GRIK4: variants seen among roughly 807,000 people sequenced by gnomAD.
GRIK4 encodes glutamate ionotropic receptor kainate type subunit 4, also known as glutamate receptor ionotropic, kainate 4.
In GRIK4, 40 loss-of-function variants were observed where a neutral mutation model predicts 104.9. The ratio of observed to expected loss-of-function variants is 0.38; its 90% CI spans 0.30 to 0.50. GRIK4 has a LOEUF of 0.50. GRIK4 is among the 20% of genes least tolerant of loss of function. The probability of loss-of-function intolerance (pLI) is 0.93; values close to 1 mark genes in which losing one functional copy is unlikely to be tolerated. For missense variants in GRIK4, 1,047 were observed against 1,308.1 expected (o/e 0.80, Z 3.08); for synonymous variants, 485 against 524.9 (o/e 0.92, Z 1.04).
At chr11:120,850,006 T>G (rs1354481837) in intron 8 of GRIK4, among the ~76,000 whole-genome samples, 1 of 152,222 alleles carries the variant, frequency 6.6e-6, no homozygotes, top group Non-Finnish European at 1.5e-5. Context: ...GTTATAGGAA[T>G]GAAATCTGTT....
intron 3 of GRIK4, among the ~76,000 whole-genome samples, chr11:120,731,246 C>T (rs1951122790): frequency 6.7e-6 from 1 of 149,596 alleles, no homozygotes; most frequent in Non-Finnish European, 1.5e-5. Flanking sequence ...TCTTCTATAC[C>T]TGTTTTTTTT....
intron 1 of GRIK4, among the ~76,000 whole-genome samples, chr11:120,514,540 TC>T (rs1300686150): frequency 2.0e-5 from 3 of 152,270 alleles, no homozygotes; most frequent in Non-Finnish European, 4.4e-5. Flanking sequence ...TGCCTGTTCC[TC>T]AGTTCATCCC....
chr11:120,755,620 TA>T lies in GRIK4; in HGVS notation c.83-47066del, dbSNP rs537153792. 4.7e-4 allele frequency among the ~76,000 whole-genome samples: 71 copies of T among 149,644 alleles called. 1 individual carries two copies. Among genetic ancestry groups the T allele is most frequent in the African/African-American group, 1.7e-3 (70 of 40,708 alleles). Reference sequence around the variant, plus strand: ...CAAGCAAGACCTTGTCTCAAAAAAATAAAAAAACACCAAAGATAATAAATAA... The same window carrying T: ...CAAGCAAGACCTTGTCTCAAAAAAATAAAAAACACCAAAGATAATAAATAA... On this transcript the variant is annotated intron_variant, in intron 3 of 20. Transcript: ENST00000527524.
At chr11:120,843,862 T>G (rs901305347) in intron 8 of GRIK4, among the ~76,000 whole-genome samples, 1 of 152,142 alleles carries the variant, frequency 6.6e-6, no homozygotes, top group Non-Finnish European at 1.5e-5. Context: ...CCCCATCAGG[T>G]TGGGGAGTTC....
intron 3 of GRIK4, among the ~76,000 whole-genome samples, chr11:120,787,413 T>C (rs1952301955): frequency 6.6e-6 from 1 of 151,944 alleles, no homozygotes; most frequent in African/African-American, 2.4e-5. Flanking sequence ...ATTTCACCTA[T>C]TTCTTTTGAT....
chr11:120,967,364 C>A lies in GRIK4; in HGVS notation c.2395+41C>A, dbSNP rs1387090576. On this transcript the variant is annotated intron_variant, in intron 19 of 20. Coordinates refer to ENST00000527524, the MANE Select transcript of GRIK4 (RefSeq NM_014619.5). This position sits in a 1 kb window ranked among gnomAD's most constrained non-coding sequence, Gnocchi z 4.2. Reference sequence around the variant, plus strand: ...GCCATCCTCCTCCTGCCCTAGAGGACCAAAGTAGCTTGTTTCTCGTGTTCA... The same window carrying A: ...GCCATCCTCCTCCTGCCCTAGAGGAACAAAGTAGCTTGTTTCTCGTGTTCA... The A allele has an allele frequency of 1.9e-6, 3 of 1,569,998 alleles. No homozygotes were observed. Among genetic ancestry groups the A allele is most frequent in the Admixed American group, 3.7e-5 (2 of 54,114 alleles).
intron 3 of GRIK4, among the ~76,000 whole-genome samples, chr11:120,689,635 T>C (rs979256164): frequency 2.0e-5 from 3 of 152,264 alleles, no homozygotes; most frequent in East Asian, 3.9e-4. Context: ...CTTCACCTGA[T>C]GAAAAGTCTA....
intron 3 of GRIK4, among the ~76,000 whole-genome samples, chr11:120,765,697 TTC>T (rs1951825154): frequency 6.6e-6 from 1 of 152,244 alleles, no homozygotes; most frequent in Non-Finnish European, 1.5e-5. Flanking sequence ...TTTGTTATTT[TTC>T]CTTCTAACAG....
intron 13 of GRIK4, among the ~76,000 whole-genome samples, chr11:120,925,118 T>C (rs1480824980): frequency 2.6e-5 from 4 of 151,968 alleles, no homozygotes; most frequent in Non-Finnish European, 5.9e-5. Context: ...GGTGAAAAAG[T>C]GGGAACAGAG....
rs575046210 is a variant in GRIK4 at position 120,569,395 on chromosome 11, C to T, written c.-159+57508C>T. ...CTTTCTAGTTTATAAAGCTGCCTTC[C>T]ATCCATTATCTGACTTGATCCTGAT... On this transcript the variant is annotated intron_variant, in intron 1 of 20. Transcript: ENST00000527524. Among the ~76,000 whole-genome samples, 34 of 152,286 alleles carry T rather than the reference C, an allele frequency of 2.2e-4. No individual in the cohort carries two copies. The South Asian group carries it at 6.8e-3, about 31-fold the overall frequency.
At chr11:120,945,529 G>A (rs1943838101) in intron 14 of GRIK4, among the ~76,000 whole-genome samples, 1 of 152,190 alleles carries the variant, frequency 6.6e-6, no homozygotes. Flanking sequence ...TGATCCTGTG[G>A]GCAGTGAATG....
At chr11:120,930,180 G>C (rs867194868) in intron 13 of GRIK4, among the ~76,000 whole-genome samples, 1 of 152,208 alleles carries the variant, frequency 6.6e-6, no homozygotes, top group Non-Finnish European at 1.5e-5. Flanking sequence ...TGTCCTAGCT[G>C]CGTGTATTTG....
intron 8 of GRIK4, among the ~76,000 whole-genome samples, chr11:120,845,883 A>G (rs1263783886): frequency 6.6e-6 from 1 of 152,238 alleles, no homozygotes; most frequent in African/African-American, 2.4e-5. Context: ...TGATGGAGTG[A>G]AAGCTCCTTG....
At chr11:120,884,687 A>C (rs114593154) in intron 11 of GRIK4, among the ~76,000 whole-genome samples, 1 of 152,226 alleles carries the variant, frequency 6.6e-6, no homozygotes, top group African/African-American at 2.4e-5. Context: ...TCCCACTCCT[A>C]TGAGAATCCC....
intron 3 of GRIK4, among the ~76,000 whole-genome samples, chr11:120,712,256 C>T (rs974511850): frequency 2.0e-5 from 3 of 152,030 alleles, no homozygotes; most frequent in African/African-American, 7.3e-5. Context: ...TCCAGCCATG[C>T]GGTGTGCTGG....
chr11:120,890,450 A>G (rs925967092), intron 11 of GRIK4, among the ~76,000 whole-genome samples: 6 of 152,216 alleles, frequency 3.9e-5, no homozygotes, highest in African/African-American at 1.4e-4. Flanking sequence ...TATATTTAGT[A>G]AACAAGTTCA....
At chr11:120,628,417 A>G (rs562868585) in intron 1 of GRIK4, among the ~76,000 whole-genome samples, 211 of 152,018 alleles carry the variant, frequency 1.4e-3, no homozygotes, top group Non-Finnish European at 2.4e-3. Flanking sequence ...CAAGGATGTG[A>G]CTCTTGACCT....
intron 1 of GRIK4, among the ~76,000 whole-genome samples, chr11:120,614,151 G>A (rs1949074606): frequency 1.3e-5 from 2 of 152,152 alleles, no homozygotes; most frequent in Non-Finnish European, 2.9e-5. Context: ...TGCCCCCCAT[G>A]TAGGCGTGGC....
chr11:120,684,908 A>C (rs1465408143), intron 3 of GRIK4, among the ~76,000 whole-genome samples: 4 of 152,000 alleles, frequency 2.6e-5, no homozygotes, highest in African/African-American at 9.7e-5. Flanking sequence ...ACGGGGTTTC[A>C]CTGTGGTCTC....
Sources: allele counts gnomAD v4.1 joint callset (sites outside exome capture counted in the v4.1 genomes callset), GRCh38; gene constraint gnomAD v4.1.1; non-coding constraint Gnocchi (gnomAD v3.1); transcripts MANE v1.5; gene names NCBI Gene and HGNC (gene_info 2026-07-23, HGNC 2026-07-21).